The following SLC44A5 variants were observed in gnomAD, a reference collection of about 807,000 sequenced individuals.
SLC44A5 encodes choline transporter-like protein 5.
In SLC44A5, 57 loss-of-function variants were observed where a neutral mutation model predicts 101.8. The ratio of observed to expected loss-of-function variants is 0.56; its 90% CI spans 0.45 to 0.70. SLC44A5 has a LOEUF of 0.70. Ranked by LOEUF, SLC44A5 falls within the 30% of genes least tolerant of loss-of-function variation. The pLI, the probability that SLC44A5 is intolerant of heterozygous loss-of-function variation, is 0.00. For missense variants in SLC44A5, 737 were observed against 853.1 expected, an observed-to-expected ratio of 0.86 and a Z score of 1.70; for synonymous variants, 281 against 290.9, an observed-to-expected ratio of 0.97 and a Z score of 0.35.
intron 2 of SLC44A5, among the ~76,000 whole-genome samples, chr1:75,411,887 A>C (rs949905875): frequency 1.3e-5 from 2 of 152,146 alleles, no homozygotes; most frequent in East Asian, 1.9e-4. Flanking sequence ...AATGTGCCAA[A>C]ATACCACTGT....
At chr1:75,561,034 G>T (rs1273299301) in intron 1 of SLC44A5, among the ~76,000 whole-genome samples, 16 of 152,088 alleles carry the variant, frequency 1.1e-4, no homozygotes, top group African/African-American at 3.9e-4. Flanking sequence ...CCATTCATGT[G>T]TCCACAGGGT....
intron 2 of SLC44A5, among the ~76,000 whole-genome samples, chr1:75,399,225 A>G (rs1157759733): frequency 1.3e-5 from 2 of 152,084 alleles, no homozygotes; most frequent in East Asian, 1.9e-4. Context: ...ATCACTAATG[A>G]TGGGTCAACC....
intron 4 of SLC44A5, among the ~76,000 whole-genome samples, chr1:75,313,009 A>G (rs1316752250): frequency 6.6e-6 from 1 of 152,216 alleles, no homozygotes; most frequent in Non-Finnish European, 1.5e-5. Context: ...GGGGAGTAAT[A>G]AAACAAAAGT....
intron 1 of SLC44A5, among the ~76,000 whole-genome samples, chr1:75,550,023 T>C (rs969201416): frequency 3.3e-5 from 5 of 152,118 alleles, no homozygotes; most frequent in Admixed American, 6.6e-5. Flanking sequence ...AGAGGTCATG[T>C]TTTTAAGTGA....
chr1:75,691,057 C>T, the SLC44A5 span, among the ~76,000 whole-genome samples: 1 of 151,904 alleles, frequency 6.6e-6, no homozygotes, highest in Non-Finnish European at 1.5e-5. Context: ...CTCTTGAATA[C>T]ACATGCACCC....
the SLC44A5 span, among the ~76,000 whole-genome samples, chr1:75,675,095 GC>G: frequency 6.6e-6 from 1 of 152,012 alleles, no homozygotes; most frequent in Admixed American, 6.6e-5. Flanking sequence ...GGCCACCCAG[GC>G]TCTTTTCTGG....
intron 2 of SLC44A5, among the ~76,000 whole-genome samples, chr1:75,477,689 G>A (rs193275917): frequency 2.6e-5 from 4 of 152,098 alleles, no homozygotes; most frequent in East Asian, 3.9e-4. Context: ...AAACGAGAAG[G>A]GAAGTTTAGA....
chr1:75,496,857 G>C (rs907778269), intron 2 of SLC44A5, among the ~76,000 whole-genome samples: 11 of 152,090 alleles, frequency 7.2e-5, no homozygotes, highest in Middle Eastern at 3.4e-3. Context: ...AAGACATAGA[G>C]TTTGCCACTA....
At chr1:75,277,721 T>G (rs1461769926) in intron 5 of SLC44A5, among the ~76,000 whole-genome samples, 1 of 151,784 alleles carries the variant, frequency 6.6e-6, no homozygotes, top group African/African-American at 2.4e-5. Flanking sequence ...GATCTGAGTG[T>G]CTGGGGATAA....
chr1:75,493,335 T>C (rs1668518348), intron 2 of SLC44A5, among the ~76,000 whole-genome samples: 1 of 152,212 alleles, frequency 6.6e-6, no homozygotes, highest in Non-Finnish European at 1.5e-5. Flanking sequence ...AACCTTTACA[T>C]GTCCAAGCCA....
intron 3 of SLC44A5, among the ~76,000 whole-genome samples, chr1:75,386,878 C>T (rs1359072951): frequency 6.6e-6 from 1 of 152,084 alleles, no homozygotes; most frequent in African/African-American, 2.4e-5. Context: ...ATCAATGGAA[C>T]AGAACAGAAC....
chr1:75,500,452 G>T (rs1404779386), intron 2 of SLC44A5, among the ~76,000 whole-genome samples: 1 of 147,324 alleles, frequency 6.8e-6, no homozygotes, highest in South Asian at 2.2e-4. Flanking sequence ...TCTACCTTCT[G>T]CCAGTACACC....
At chr1:75,394,714 G>A (rs1194015511) in intron 3 of SLC44A5, among the ~76,000 whole-genome samples, 1 of 152,102 alleles carries the variant, frequency 6.6e-6, no homozygotes, top group Non-Finnish European at 1.5e-5. Flanking sequence ...TACCCCCATT[G>A]TTAGCACAGT....
rs565170762 is a variant in SLC44A5, at chr1:75,514,796, T to TG, written c.13+26638dup. ...CCAGACCATATTTCCAGTACAATTT[T>TG]GGGGTACCTGTTAAGACTGAAAAGA... is the stretch of plus-strand genomic sequence containing the variant. On this transcript the variant is annotated intron_variant, in intron 2 of 23. Coordinates refer to ENST00000370859, the MANE Select transcript of SLC44A5 (RefSeq NM_001130058.2). Among the ~76,000 whole-genome samples the TG allele has an allele frequency of 3.4e-3, 522 of 152,322 alleles. 2 individuals carry two copies. The highest frequency in any genetic ancestry group is 0.012 in the African/African-American group (500 of 41,572).
the SLC44A5 span, among the ~76,000 whole-genome samples, chr1:75,622,895 A>C: frequency 6.6e-6 from 1 of 151,992 alleles, no homozygotes; most frequent in Non-Finnish European, 1.5e-5. Flanking sequence ...ATTCCCTCAT[A>C]TATGAGTGAA....
chr1:75,654,777 CA>C, the SLC44A5 span, among the ~76,000 whole-genome samples: 12 of 152,038 alleles, frequency 7.9e-5, no homozygotes, highest in African/African-American at 2.7e-4. Flanking sequence ...AGCTTCCCCC[CA>C]AAACTTTTCC....
chr1:75,392,338 T>C (rs1402321028), intron 3 of SLC44A5, among the ~76,000 whole-genome samples: 3 of 151,888 alleles, frequency 2.0e-5, no homozygotes. Context: ...AACAATTCCA[T>C]TAAAAGGTGG....
At chr1:75,633,579 A>C in the SLC44A5 span, among the ~76,000 whole-genome samples, 1 of 152,114 alleles carries the variant, frequency 6.6e-6, no homozygotes, top group Non-Finnish European at 1.5e-5. Flanking sequence ...TTGTATCCTG[A>C]GACTTTGCTG....
At chr1:75,641,751 A>G in the SLC44A5 span, 6 of 1,581,060 alleles carry the variant, frequency 3.8e-6, no homozygotes, top group East Asian at 4.5e-5. Flanking sequence ...AGTTTTGCAT[A>G]GGCAACCACT....
Sources: allele counts gnomAD v4.1 joint callset (sites outside exome capture counted in the v4.1 genomes callset), GRCh38; gene constraint gnomAD v4.1.1; transcripts MANE v1.5; gene names NCBI Gene and HGNC (gene_info 2026-07-23, HGNC 2026-07-21).